Variants in ABCB4 observed in about 807,000 individuals in gnomAD.
ABCB4 encodes the protein ATP binding cassette subfamily B member 4.
ABCB4 carries 76 observed loss-of-function variants against 145.7 expected under a neutral mutation model. That is an observed-to-expected ratio of 0.52 (90% CI 0.43 to 0.63). ABCB4 has a LOEUF of 0.63. Ranked by LOEUF, ABCB4 falls within the 30% of genes least tolerant of loss-of-function variation. ABCB4 has a pLI of 0.00. For missense variants in ABCB4, 1,234 were observed against 1,553.1 expected, an observed-to-expected ratio of 0.79 and a Z score of 3.45; for synonymous variants, 517 against 566.8, an observed-to-expected ratio of 0.91 and a Z score of 1.25.
chr7:87,421,412 C>A (rs1353649779), intron 18 of ABCB4, among the ~76,000 whole-genome samples: 1 of 152,126 alleles, frequency 6.6e-6, no homozygotes, highest in Non-Finnish European at 1.5e-5. Context: ...AGCTGCACTC[C>A]CTAGCATGCC....
chr7:87,372,274 T>C, the ABCB4 span, among the ~76,000 whole-genome samples: 5 of 152,246 alleles, frequency 3.3e-5, no homozygotes, highest in African/African-American at 1.2e-4. Context: ...AAACATTTTC[T>C]TCCAGTTAAC....
intron 5 of ABCB4, among the ~76,000 whole-genome samples, chr7:87,454,133 CA>C (rs1469357032): frequency 1.3e-5 from 2 of 152,156 alleles, no homozygotes; most frequent in Non-Finnish European, 2.9e-5. Context: ...GCACTCGTTA[CA>C]ATCAGCAACA....
intron 6 of ABCB4, among the ~76,000 whole-genome samples, 187 bp from the exon 7 acceptor site, chr7:87,451,981 T>C (rs1811765806): frequency 6.6e-6 from 1 of 152,208 alleles, no homozygotes; most frequent in South Asian, 2.1e-4. Context: ...TCAGGATTGA[T>C]CAATGCTTCT....
intron 6 of ABCB4, 149 bp downstream of exon 6, chr7:87,452,795 T>C (rs1354224059): frequency 1.1e-6 from 1 of 914,448 alleles, no homozygotes; most frequent in Non-Finnish European, 1.7e-6. Context: ...AGGCTATAGA[T>C]GCTGCTAGAC....
intron 3 of ABCB4, among the ~76,000 whole-genome samples, chr7:87,465,375 A>C (rs944910327): frequency 6.6e-6 from 1 of 152,132 alleles, no homozygotes; most frequent in African/African-American, 2.4e-5. Context: ...CAAAGCGGCC[A>C]GGAAGCTCTT....
intron 22 of ABCB4, among the ~76,000 whole-genome samples, chr7:87,413,090 G>A (rs186287124): frequency 1.1e-3 from 171 of 152,326 alleles, no homozygotes; most frequent in African/African-American, 3.7e-3. Context: ...GGCTGCAGTG[G>A]AAATGAGTGG....
chr7:87,409,588 T>C (rs1808461013), intron 23 of ABCB4, among the ~76,000 whole-genome samples, 196 bp from the exon 24 acceptor site: 1 of 152,114 alleles, frequency 6.6e-6, no homozygotes, highest in South Asian at 2.1e-4. Context: ...TTCCTGAGGG[T>C]TTACCTTTTC....
At chr7:87,436,203 A>C (rs1246333394) in intron 14 of ABCB4, among the ~76,000 whole-genome samples, 3 of 152,204 alleles carry the variant, frequency 2.0e-5, no homozygotes, top group Admixed American at 6.5e-5. Context: ...ACTCAGTTGG[A>C]AAATGAAGTT....
chr7:87,412,599 A>G (rs1362832791), intron 22 of ABCB4, among the ~76,000 whole-genome samples: 2 of 152,214 alleles, frequency 1.3e-5, no homozygotes, highest in Non-Finnish European at 2.9e-5. Context: ...ACTTCATGCT[A>G]TACTTTATTG....
intron 4 of ABCB4, among the ~76,000 whole-genome samples, chr7:87,461,037 CT>C (rs1812424063): frequency 6.6e-6 from 1 of 152,118 alleles, no homozygotes; most frequent in Non-Finnish European, 1.5e-5. Flanking sequence ...CCTCCGCCCC[CT>C]GGGTTCAAGC....
In ABCB4 at chr7:87,450,017, C is replaced by A. The variant is rs778488958; in HGVS notation, c.784G>T (p.Ala262Ser). 3 of 1,614,142 alleles carry A rather than the reference C, an allele frequency of 1.9e-6. No individual in the cohort carries two copies. The highest frequency in any genetic ancestry group is 1.7e-5 in the Admixed American group (1 of 60,010). The change falls in exon 8 of 28, where the codon GCC (alanine) becomes TCC (serine). Residue 262 changes from alanine (A) to serine (S), a missense_variant. This residue lies in a region of ABCB4 where 467 missense variants were observed against 632.8 expected (regional missense o/e 0.74). Coordinates refer to ENST00000649586, the MANE Select transcript of ABCB4 (RefSeq NM_000443.4). ...CCGAAAGCTATCACAGTCCTGATGG[C>A]CCCCAGAGCCTCTTCTGCCACGGCG... ...AGAVAEEALGAIRTVIAFGGQ... is the reference protein window; with the variant it reads ...AGAVAEEALGSIRTVIAFGGQ...
chr7:87,403,436 A>G (rs1467330178), intron 26 of ABCB4, 155 bp from the exon 27 acceptor site: 7 of 678,258 alleles, frequency 1.0e-5, no homozygotes, highest in South Asian at 1.8e-5. Context: ...CTAGAAAACT[A>G]GTGACTTTAA....
Position 87,424,050 on chromosome 7 carries a change from T to C in ABCB4, c.2067A>G (p.Glu689=). ...GAAAGGACACTGGTGGCACATTTGCTTCCTAGAACATATAAACATCAGGGC... is the reference window on the plus strand; with the variant it reads ...GAAAGGACACTGGTGGCACATTTGCCTCCTAGAACATATAAACATCAGGGC... ...KSLDVETDGL[E]ANVPPVSFLK... is the part of the protein sequence containing the mutation. The change falls in exon 17 of 28, where the codon GAA becomes GAG. Residue 689 remains glutamate, a splice_region_variant and synonymous_variant. Coordinates refer to ENST00000649586, the MANE Select transcript of ABCB4 (RefSeq NM_000443.4). 6.2e-7 allele frequency: 1 copy of C among 1,614,034 alleles called. No individual in the cohort carries two copies. Among genetic ancestry groups the C allele is most frequent in the South Asian group, 1.1e-5 (1 of 91,078 alleles).
chr7:87,422,371 C>A, intron 17 of ABCB4, 146 bp from the exon 18 acceptor site: 2 of 711,310 alleles, frequency 2.8e-6, no homozygotes, highest in East Asian at 2.7e-5. Flanking sequence ...ATATACATAA[C>A]ACAAAATTTA....
At chr7:87,437,513 C>G (rs1409801737) in intron 14 of ABCB4, among the ~76,000 whole-genome samples, 2 of 151,914 alleles carry the variant, frequency 1.3e-5, no homozygotes, top group Non-Finnish European at 2.9e-5. Context: ...AATTTAGCAA[C>G]CAAAAAATAA....
chr7:87,430,440 G>A (rs1810134965), intron 15 of ABCB4, among the ~76,000 whole-genome samples: 1 of 152,174 alleles, frequency 6.6e-6, no homozygotes, highest in Non-Finnish European at 1.5e-5. Context: ...TCAAGTGACT[G>A]AGTATAATAA....
At chr7:87,471,069 G>A (rs1033499425) in intron 3 of ABCB4, among the ~76,000 whole-genome samples, 1 of 152,076 alleles carries the variant, frequency 6.6e-6, no homozygotes, top group Admixed American at 6.5e-5. Context: ...TCCTTTGTAG[G>A]GACATGGATG....
upstream of ABCB4, chr7:87,475,752 CG>C: frequency 3.0e-6 from 1 of 334,694 alleles, no homozygotes. Context: ...CACGCGCGTC[CG>C]GCCCGGGAAA....
chr7:87,468,928 C>T (rs1476332406), intron 3 of ABCB4, among the ~76,000 whole-genome samples: 1 of 86,746 alleles, frequency 1.2e-5, no homozygotes, highest in Non-Finnish European at 2.1e-5. Flanking sequence ...GCAACTCCGT[C>T]TCAAAAAATA....
Sources: gnomAD v4.1 joint callset for allele counts (sites outside exome capture counted in the v4.1 genomes callset) on GRCh38, gnomAD v4.1.1 for gene constraint, gnomAD v4.1.1 regional missense constraint, MANE v1.5 for transcripts, NCBI Gene and HGNC (gene_info 2026-07-23, HGNC 2026-07-21) for gene names.